CARD14: variants seen among roughly 807,000 people sequenced by gnomAD.
CARD14 encodes the protein caspase recruitment domain family member 14.
A neutral mutation model predicts 111.5 loss-of-function variants in CARD14; 107 were observed. The observed-to-expected ratio is 0.96, with a 90% CI of 0.82 to 1.13. CARD14 has a LOEUF of 1.13. Among genes scored for constraint, CARD14 ranks in the 50% most tolerant of loss-of-function variants. The pLI is 0.00. For synonymous variants in CARD14, 617 were observed against 579.6 expected (o/e 1.06, Z -0.93); for missense variants, 1,322 against 1,362.3 (o/e 0.97, Z 0.47).
chr17:80,183,450 C>A (rs981762667), intron 6 of CARD14, among the ~76,000 whole-genome samples: 1 of 152,162 alleles, frequency 6.6e-6, no homozygotes, highest in Non-Finnish European at 1.5e-5. Flanking sequence ...CTCAGGATAA[C>A]GTTAAAATGA....
At chr17:80,193,049 C>T (rs551044131) in intron 12 of CARD14, among the ~76,000 whole-genome samples, 1 of 152,288 alleles carries the variant, frequency 6.6e-6, no homozygotes, top group South Asian at 2.1e-4. Context: ...CGCACCTGGC[C>T]CTATTGCGAG....
At position 80,195,796 on chromosome 17, in the gene CARD14, C is replaced by T; in HGVS notation, c.1594+144C>T. 2 of 689,918 alleles carry T rather than the reference C, an allele frequency of 2.9e-6. No individual in the cohort carries two copies. Among genetic ancestry groups the T allele is most frequent in the East Asian group, 5.6e-5 (2 of 35,672 alleles). 42.7% of individuals were successfully genotyped at this position (689,918 alleles called of 1,614,324 possible). On this transcript the variant is annotated intron_variant, in intron 14 of 23. Transcript: ENST00000648509. This position sits in a 1 kb window ranked among gnomAD's most constrained non-coding sequence, Gnocchi z 4.7. Reference sequence around the variant, plus strand: ...TTCTGCCCTGGGCCTTGACCTTGGCCTCGACCTTGCACTTTGGGAAAGTCC... The same window carrying T: ...TTCTGCCCTGGGCCTTGACCTTGGCTTCGACCTTGCACTTTGGGAAAGTCC...
intron 20 of CARD14, 28 bp downstream of exon 20, chr17:80,204,369 C>A (rs780960038): frequency 1.3e-6 from 2 of 1,524,026 alleles, no homozygotes; most frequent in Non-Finnish European, 1.8e-6. Flanking sequence ...GGCACAGGGG[C>A]CACTGGCTCC....
chr17:80,200,208 G>T (rs1202341299), intron 16 of CARD14, among the ~76,000 whole-genome samples: 1 of 151,236 alleles, frequency 6.6e-6, no homozygotes, highest in Non-Finnish European at 1.5e-5. Context: ...ACATGACCCG[G>T]GAAGCCTTTC....
Position 80,202,166 on chromosome 17 carries a change from TC to T in CARD14, c.1979-10del. The T allele has an allele frequency of 4.4e-6, 7 of 1,601,498 alleles. No homozygotes were observed. Among genetic ancestry groups the T allele is most frequent in the African/African-American group, 1.3e-5 (1 of 74,750 alleles). The stretch of plus-strand genomic sequence containing the variant: ...ATCTGTGGCTCATCTGTGGCTCATG[TC>T]CCCTTTTATCAGGTTATAAGAGGCT... On this transcript the variant is annotated splice_polypyrimidine_tract_variant and intron_variant, in intron 17 of 23. Transcript: ENST00000648509.
chr17:80,195,169 A>C lies in CARD14; in HGVS notation c.1357-22A>C. 1.3e-6 allele frequency: 2 copies of C among 1,584,468 alleles called. No homozygotes were observed. Among genetic ancestry groups the C allele is most frequent in the Non-Finnish European group, 1.7e-6 (2 of 1,160,474 alleles). On this transcript the variant is annotated intron_variant, in intron 12 of 23. Coordinates refer to ENST00000648509, the MANE Select transcript of CARD14 (RefSeq NM_001366385.1). This position sits in a 1 kb window ranked among gnomAD's most constrained non-coding sequence, Gnocchi z 4.7. Reference sequence around the variant, plus strand: ...GGGTGTCCTCGTGCGTGCCCCACTGACTTCTGCCCTCCCTCCTCCAGTCTC... The same window carrying C: ...GGGTGTCCTCGTGCGTGCCCCACTGCCTTCTGCCCTCCCTCCTCCAGTCTC...
intron 2 of CARD14, among the ~76,000 whole-genome samples, chr17:80,174,897 C>T (rs1019956658): frequency 5.3e-5 from 8 of 152,146 alleles, no homozygotes; most frequent in Admixed American, 1.3e-4. Flanking sequence ...CTAAGGGTTG[C>T]GCTGGCACCT....
rs140661251 is a variant in CARD14 at position 80,198,513 on chromosome 17, G to C, written c.1773G>C (p.Thr591=). The part of the protein sequence containing the change: ...EQISVIGGNL[T]GIFIHRVTPG... Reference sequence around the variant, plus strand: ...TCAGCGTCATCGGCGGGAACCTCACGGGCATCTTCATCCACCGGGTCACCC... The same window carrying C: ...TCAGCGTCATCGGCGGGAACCTCACCGGCATCTTCATCCACCGGGTCACCC... Residue 591 remains threonine (T), a synonymous_variant, in exon 16 of 24, where the codon ACG becomes ACC. Coordinates refer to ENST00000648509, the MANE Select transcript of CARD14 (RefSeq NM_001366385.1). The surrounding 1 kb of genome is among the most constrained non-coding windows in gnomAD (Gnocchi z 7.5). 29 of 1,613,072 alleles carry C rather than the reference G, an allele frequency of 1.8e-5. No individual in the cohort carries two copies. Among genetic ancestry groups the C allele is most frequent in the Non-Finnish European group, 1.9e-5 (23 of 1,179,914 alleles).
At position 80,205,017 on chromosome 17, in the gene CARD14, G is replaced by C. The variant is rs752390972; in HGVS notation, c.2399-18G>C. On this transcript the variant is annotated intron_variant, in intron 20 of 23. Transcript: ENST00000648509. ...GCTGCCGCAGCCTCACCCACCCTCAGGATCCTCTCCTCCACAGGCTCCAGC... is the reference window on the plus strand; with the variant it reads ...GCTGCCGCAGCCTCACCCACCCTCACGATCCTCTCCTCCACAGGCTCCAGC... 1.9e-6 allele frequency: 3 copies of C among 1,545,320 alleles called. No individual in the cohort carries two copies. The South Asian group carries it at 3.6e-5, about 19-fold the overall frequency.
Position 80,189,607 on chromosome 17 carries a change from C to A in CARD14, c.844-146C>A. On this transcript the variant is annotated intron_variant, in intron 8 of 23. Coordinates refer to ENST00000648509, the MANE Select transcript of CARD14 (RefSeq NM_001366385.1). This position sits in a 1 kb window ranked among gnomAD's most constrained non-coding sequence, Gnocchi z 4.7. ...GGCATGATGGGTGGCTTTTCCGTGG[C>A]TTCTCTCCTGCCCGGTGTAGAGTGG... The A allele has an allele frequency of 9.3e-7, 1 of 1,070,700 alleles. No homozygotes were observed. Among genetic ancestry groups the A allele is most frequent in the Non-Finnish European group, 1.3e-6 (1 of 792,026 alleles). 66.3% of individuals were successfully genotyped at this position (1,070,700 alleles called of 1,614,324 possible).
intron 7 of CARD14, among the ~76,000 whole-genome samples, chr17:80,187,030 A>C (rs1487920852): frequency 6.6e-6 from 1 of 152,246 alleles, no homozygotes; most frequent in Non-Finnish European, 1.5e-5. Context: ...ATATGCATGG[A>C]AGTATACATA....
chr17:80,207,209 G>A (rs939800100), intron 23 of CARD14, 124 bp downstream of exon 23: 27 of 627,042 alleles, frequency 4.3e-5, no homozygotes, highest in Non-Finnish European at 6.3e-5. Flanking sequence ...TGACAGGGCC[G>A]TTTCCGCACA....
In CARD14 at chr17:80,170,883, A is replaced by G. The variant is rs946539225; in HGVS notation, c.-690+827A>G. 3.7e-4 allele frequency among the ~76,000 whole-genome samples: 53 copies of G among 141,370 alleles called. 1 individual carries two copies. The highest frequency in any genetic ancestry group is 1.4e-3 in the African/African-American group (53 of 37,818). 92.7% of individuals were successfully genotyped at this position (141,370 alleles called of 152,430 possible). A position where few individuals can be genotyped will look rare whatever the true frequency, so the allele number is the denominator to read the frequency against. On this transcript the variant is annotated intron_variant, in intron 1 of 23. Coordinates refer to ENST00000648509, the MANE Select transcript of CARD14 (RefSeq NM_001366385.1). ...TTTCAGAAGTCTCCCTCTGTCGCCC[A>G]GGCTAGAGTTGCAGTGGCACAATCT...
intron 11 of CARD14, 156 bp from the exon 12 acceptor site, chr17:80,192,347 C>A: frequency 1.6e-6 from 1 of 630,070 alleles, no homozygotes; most frequent in South Asian, 2.1e-5. Context: ...CTGTGATGGG[C>A]TCGGAGGACA....
chr17:80,205,438 G>A, intron 21 of CARD14, 93 bp from the exon 22 acceptor site: 1 of 1,495,500 alleles, frequency 6.7e-7, no homozygotes, highest in South Asian at 1.2e-5. Flanking sequence ...CCCAGTGCTG[G>A]CAGGGTTCAC....
intron 7 of CARD14, among the ~76,000 whole-genome samples, chr17:80,185,208 A>G (rs574673534): frequency 2.3e-4 from 33 of 142,390 alleles, no homozygotes; most frequent in African/African-American, 8.3e-4. Context: ...CACCATACCC[A>G]GCTAATTAAA....
chr17:80,171,612 C>T (rs1399544217), intron 1 of CARD14, among the ~76,000 whole-genome samples: 1 of 152,200 alleles, frequency 6.6e-6, no homozygotes, highest in Non-Finnish European at 1.5e-5. Flanking sequence ...TGCTTCATGG[C>T]AACTGCAGAA....
chr17:80,195,918 G>A lies in CARD14; in HGVS notation c.1594+266G>A, dbSNP rs371664247. 1.2e-4 allele frequency: 57 copies of A among 464,738 alleles called. No homozygotes were observed. The highest frequency in any genetic ancestry group is 1.2e-3 in the East Asian group (30 of 24,784). 28.8% of individuals were successfully genotyped at this position (464,738 alleles called of 1,614,324 possible). A position where few individuals can be genotyped will look rare whatever the true frequency, so the allele number is the denominator to read the frequency against. ...GCCAGGGGAGTTGTGTCTGATCCAC[G>A]CCCTGCTCAGCACCCAGCCCCCTGC... is the stretch of plus-strand genomic sequence containing the variant. On this transcript the variant is annotated intron_variant, in intron 14 of 23. Coordinates refer to ENST00000648509, the MANE Select transcript of CARD14 (RefSeq NM_001366385.1). The surrounding 1 kb of genome is among the most constrained non-coding windows in gnomAD (Gnocchi z 4.7).
At chr17:80,205,797 G>A (rs2041267916) in intron 22 of CARD14, 145 bp downstream of exon 22, 1 of 808,136 alleles carries the variant, frequency 1.2e-6, no homozygotes, top group Non-Finnish European at 1.8e-6. Context: ...CAGCCCAGCA[G>A]GAGCCCAAAA....
Sources: allele counts gnomAD v4.1 joint callset (sites outside exome capture counted in the v4.1 genomes callset), GRCh38; gene constraint gnomAD v4.1.1; non-coding constraint Gnocchi (gnomAD v3.1); transcripts MANE v1.5; gene names NCBI Gene and HGNC (gene_info 2026-07-23, HGNC 2026-07-21).